TPRG1: variants seen among roughly 807,000 people sequenced by gnomAD.
The protein encoded by TPRG1 is tumor protein p63 regulated 1, also known as tumor protein p63-regulated gene 1 protein.
In TPRG1, 29 loss-of-function variants were observed where a neutral mutation model predicts 29.3. That is an observed-to-expected ratio of 0.99 (90% CI 0.74 to 1.35). The LOEUF is 1.35. Among genes scored for constraint, TPRG1 ranks in the 40% most tolerant of loss-of-function variants. The probability of loss-of-function intolerance (pLI) is 0.00; values close to 1 mark genes in which losing one functional copy is unlikely to be tolerated. For synonymous variants in TPRG1, 130 were observed against 116.8 expected, an observed-to-expected ratio of 1.11 and a Z score of -0.73; for missense variants, 327 against 335.0, an observed-to-expected ratio of 0.98 and a Z score of 0.19.
intron 4 of TPRG1, among the ~76,000 whole-genome samples, chr3:189,288,729 T>C (rs1576971050): frequency 6.6e-6 from 1 of 152,258 alleles, no homozygotes; most frequent in Non-Finnish European, 1.5e-5. Flanking sequence ...AAACTTTAAA[T>C]AGACTTCATT....
chr3:189,000,011 C>T (rs956390135), intron 1 of TPRG1, among the ~76,000 whole-genome samples: 2 of 152,098 alleles, frequency 1.3e-5, no homozygotes, highest in African/African-American at 2.4e-5. Flanking sequence ...TATTTCCTTA[C>T]ACCATAGCCA....
chr3:189,113,759 G>A (rs934102078), intron 1 of TPRG1, among the ~76,000 whole-genome samples: 4 of 151,696 alleles, frequency 2.6e-5, no homozygotes, highest in Admixed American at 1.3e-4. Context: ...CACACTCTGG[G>A]GACTGTTGTG....
chr3:189,080,123 G>C (rs962836459), intron 4 of TPRG1, among the ~76,000 whole-genome samples: 3 of 152,208 alleles, frequency 2.0e-5, no homozygotes, highest in African/African-American at 7.2e-5. Context: ...GACTGTAAGA[G>C]CTAGAAAAGA....
chr3:189,308,307 C>T (rs573531031), intron 4 of TPRG1, among the ~76,000 whole-genome samples: 1 of 152,210 alleles, frequency 6.6e-6, no homozygotes, highest in Non-Finnish European at 1.5e-5. Context: ...TTTTACTCCA[C>T]TCTGTCGCCT....
At chr3:189,192,232 G>A (rs1211916216) in intron 1 of TPRG1, among the ~76,000 whole-genome samples, 1 of 152,174 alleles carries the variant, frequency 6.6e-6, no homozygotes, top group Non-Finnish European at 1.5e-5. Flanking sequence ...ATCTTCTCTT[G>A]TCAGTTCTAG....
chr3:189,250,457 T>C (rs1251887014), intron 4 of TPRG1, among the ~76,000 whole-genome samples: 1 of 150,204 alleles, frequency 6.7e-6, no homozygotes, highest in Non-Finnish European at 1.5e-5. Flanking sequence ...TGAAAGCCCT[T>C]TGTAATGTGC....
At chr3:188,999,822 A>T (rs1711945723) in intron 1 of TPRG1, among the ~76,000 whole-genome samples, 1 of 152,102 alleles carries the variant, frequency 6.6e-6, no homozygotes, top group South Asian at 2.1e-4. Context: ...TTATACAATG[A>T]ACACTCTTTC....
At chr3:189,139,683 C>CA (rs1361013029) in intron 3 of TPRG1, among the ~76,000 whole-genome samples, 5 of 125,662 alleles carry the variant, frequency 4.0e-5, no homozygotes, top group East Asian at 2.3e-4. Flanking sequence ...TTTTTTTTTT[C>CA]AAAAAAAAAT....
At chr3:189,084,344 T>A (rs1199486413) in intron 4 of TPRG1, among the ~76,000 whole-genome samples, 2 of 152,310 alleles carry the variant, frequency 1.3e-5, no homozygotes, top group South Asian at 4.1e-4. Context: ...GGGGTCTTAC[T>A]GAATTAAGAA....
At chr3:189,193,647 A>G (rs1201372942) in intron 1 of TPRG1, among the ~76,000 whole-genome samples, 1 of 150,096 alleles carries the variant, frequency 6.7e-6, no homozygotes, top group Admixed American at 6.6e-5. Flanking sequence ...GTAATTTCAA[A>G]TTACCTATCT....
rs546513516 is a variant in TPRG1 at position 189,011,329 on chromosome 3, T to C, written c.-660+6569T>C. ...CAATGGTAGTTTAATGAGAATAGCA[T>C]TGAATCTATAAATTACTTTGGGTAG... On this transcript the variant is annotated intron_variant, in intron 3 of 10. Transcript: ENST00000433971. Among the ~76,000 whole-genome samples the C allele has an allele frequency of 3.9e-5, 6 of 152,330 alleles. No individual in the cohort carries two copies. The South Asian group carries it at 1.0e-3, about 26-fold the overall frequency.
chr3:189,092,442 CTTTT>C (rs201972502), intron 4 of TPRG1, among the ~76,000 whole-genome samples: 18 of 131,372 alleles, frequency 1.4e-4, no homozygotes, highest in Middle Eastern at 3.9e-3. Flanking sequence ...TCTGAAATTT[CTTTT>C]TTTTTTTTTT....
intron 4 of TPRG1, among the ~76,000 whole-genome samples, chr3:189,280,398 T>C (rs1716921785): frequency 6.6e-6 from 1 of 152,206 alleles, no homozygotes; most frequent in Non-Finnish European, 1.5e-5. Context: ...AAAATGTTTT[T>C]TGTAAGTATG....
chr3:189,087,849 C>A (rs532706189), intron 4 of TPRG1, among the ~76,000 whole-genome samples: 2 of 152,200 alleles, frequency 1.3e-5, no homozygotes, highest in South Asian at 4.2e-4. Context: ...GGGCTCTGTT[C>A]TGTTCCATTG....
intron 3 of TPRG1, among the ~76,000 whole-genome samples, chr3:189,233,268 A>T (rs1178281882): frequency 6.6e-6 from 1 of 152,156 alleles, no homozygotes; most frequent in Non-Finnish European, 1.5e-5. Flanking sequence ...TTATTTCCAA[A>T]CCACAAAATA....
chr3:189,215,160 A>G (rs979459945), intron 2 of TPRG1, 132 bp from the exon 3 acceptor site: 14 of 625,816 alleles, frequency 2.2e-5, no homozygotes, highest in Non-Finnish European at 3.6e-5. Flanking sequence ...GCAGTTAGGC[A>G]TACAGGCAAC....
At chr3:189,112,234 T>A (rs1720617283) in intron 1 of TPRG1, among the ~76,000 whole-genome samples, 1 of 152,236 alleles carries the variant, frequency 6.6e-6, no homozygotes. Flanking sequence ...CATCTATGTT[T>A]GTGAGAGATA....
chr3:189,107,139 G>C (rs1482646907), intron 1 of TPRG1, among the ~76,000 whole-genome samples: 2 of 151,984 alleles, frequency 1.3e-5, no homozygotes, highest in African/African-American at 2.4e-5. Flanking sequence ...TGAAGGTACA[G>C]ATATTTCCCA....
intron 4 of TPRG1, among the ~76,000 whole-genome samples, chr3:189,026,801 G>A (rs1169022442): frequency 1.6e-4 from 25 of 152,290 alleles, no homozygotes; most frequent in Non-Finnish European, 7.4e-5. Context: ...GCTATAGACA[G>A]TCACATTGGC....
Sources: gnomAD v4.1 joint callset for allele counts (sites outside exome capture counted in the v4.1 genomes callset) on GRCh38, gnomAD v4.1.1 for gene constraint, MANE v1.5 for transcripts, NCBI Gene and HGNC (gene_info 2026-07-23, HGNC 2026-07-21) for gene names.